The following SOX6 variants were observed in gnomAD, a reference collection of about 807,000 sequenced individuals.
SOX6 encodes the protein SRY-box transcription factor 6.
SOX6 carries 11 observed loss-of-function variants against 97.8 expected under a neutral mutation model. That is an observed-to-expected ratio of 0.11 (90% CI 0.07 to 0.19). SOX6 has a LOEUF of 0.19. SOX6 is among the 10% of genes least tolerant of loss of function. SOX6 has a pLI of 1.00. For synonymous variants in SOX6, 360 were observed against 371.4 expected (o/e 0.97, Z 0.35); for missense variants, 810 against 1,039.5 (o/e 0.78, Z 3.04).
intron 4 of SOX6, among the ~76,000 whole-genome samples, chr11:16,527,162 A>G (rs1343880703): frequency 6.6e-6 from 1 of 151,342 alleles, no homozygotes; most frequent in Non-Finnish European, 1.5e-5. Flanking sequence ...TTCCTAGAGC[A>G]CTGAAGAGGG....
intron 6 of SOX6, among the ~76,000 whole-genome samples, chr11:16,114,580 G>A (rs1467762000): frequency 6.6e-6 from 1 of 152,138 alleles, no homozygotes; most frequent in Non-Finnish European, 1.5e-5. Flanking sequence ...ACAAGCAATA[G>A]TTGATCTTAC....
chr11:16,130,276 C>G (rs77946762), intron 6 of SOX6, among the ~76,000 whole-genome samples: 26 of 151,840 alleles, frequency 1.7e-4, no homozygotes, highest in African/African-American at 4.3e-4. Context: ...GGATAATGTA[C>G]AACATGAGGA....
intron 4 of SOX6, among the ~76,000 whole-genome samples, chr11:16,545,595 G>T (rs898872274): frequency 3.3e-5 from 5 of 152,110 alleles, no homozygotes; most frequent in Admixed American, 6.6e-5. Context: ...CTATAATACT[G>T]GGAGTCCTAG....
At chr11:16,681,982 C>A (rs1342267952) in intron 3 of SOX6, among the ~76,000 whole-genome samples, 2 of 152,168 alleles carry the variant, frequency 1.3e-5, no homozygotes, top group East Asian at 1.9e-4. Context: ...AGCCTAACAA[C>A]CAAAACAAGT....
intron 1 of SOX6, among the ~76,000 whole-genome samples, chr11:16,441,481 T>G (rs949381568): frequency 6.6e-6 from 1 of 152,144 alleles, no homozygotes; most frequent in East Asian, 1.9e-4. Context: ...CTCTCCAACA[T>G]TGAAGGCTAG....
At chr11:16,418,469 T>C (rs1271256280) in intron 1 of SOX6, among the ~76,000 whole-genome samples, 1 of 152,144 alleles carries the variant, frequency 6.6e-6, no homozygotes, top group African/African-American at 2.4e-5. Flanking sequence ...TACCATTGAA[T>C]GTTTCTACTG....
intron 14 of SOX6, among the ~76,000 whole-genome samples, chr11:15,986,727 C>T (rs1480453103): frequency 1.3e-5 from 2 of 152,194 alleles, no homozygotes; most frequent in African/African-American, 4.8e-5. Context: ...CCTGCCTACC[C>T]TCTCAACAGG....
intron 1 of SOX6, among the ~76,000 whole-genome samples, chr11:16,386,449 A>G (rs1243924395): frequency 6.6e-6 from 1 of 152,080 alleles, no homozygotes; most frequent in Non-Finnish European, 1.5e-5. Flanking sequence ...TACAAGATAC[A>G]GATTCCTGCA....
chr11:16,132,494 A>AAGAAAGAAAGAAAGAAAGAG (rs1849840635), intron 6 of SOX6, among the ~76,000 whole-genome samples: 1 of 142,730 alleles, frequency 7.0e-6, no homozygotes, highest in Non-Finnish European at 1.6e-5. Flanking sequence ...GAAAGAAAGA[A>AAGAAAGAAAGAAAGAAAGAG]AGAAAGAAAG....
chr11:16,434,202 A>C (rs1442354906), intron 1 of SOX6: 1 of 151,928 alleles, frequency 6.6e-6, no homozygotes, highest in African/African-American at 2.4e-5. Context: ...CAAAGTACAC[A>C]CTCTCAGTCA....
chr11:16,716,014 A>G (rs1461581958), intron 2 of SOX6, among the ~76,000 whole-genome samples: 6 of 152,112 alleles, frequency 3.9e-5, no homozygotes, highest in Non-Finnish European at 2.9e-5. Flanking sequence ...TGGGAGGATC[A>G]AGTACAGGCC....
rs573939376 is a variant in SOX6, at chr11:16,727,822, CT to C, written n.353+8516del. On this transcript the variant is annotated intron_variant and non_coding_transcript_variant, in intron 2 of 5. Transcript: ENST00000524520. ...AATTCTCTTTTTTAATTTTTTTCAA[CT>C]TCATATGCTCTGGATCAGTGTTTAT... is the stretch of plus-strand genomic sequence containing the variant. 1.3e-3 allele frequency among the ~76,000 whole-genome samples: 196 copies of C among 152,070 alleles called. 1 individual carries two copies. The highest frequency in any genetic ancestry group is 4.4e-3 in the African/African-American group (183 of 41,486).
intron 6 of SOX6, among the ~76,000 whole-genome samples, chr11:16,147,368 G>A (rs1177826083): frequency 6.6e-6 from 1 of 152,058 alleles, no homozygotes; most frequent in South Asian, 2.1e-4. Context: ...GGGGGAGGAG[G>A]GAAGGATAGC....
At chr11:16,628,336 C>T (rs142081287) in intron 3 of SOX6, among the ~76,000 whole-genome samples, 102 of 152,104 alleles carry the variant, frequency 6.7e-4, no homozygotes, top group Non-Finnish European at 1.3e-3. Flanking sequence ...TGAAAAATGA[C>T]ATTGGGGCCG....
chr11:16,543,283 C>T (rs1359112813), intron 4 of SOX6, among the ~76,000 whole-genome samples: 2 of 151,968 alleles, frequency 1.3e-5, no homozygotes, highest in African/African-American at 4.8e-5. Flanking sequence ...TATATACCAC[C>T]ATATATTTTT....
intron 4 of SOX6, among the ~76,000 whole-genome samples, chr11:16,603,716 C>T (rs1848298338): frequency 6.6e-6 from 1 of 152,198 alleles, no homozygotes; most frequent in Non-Finnish European, 1.5e-5. Context: ...CTCTGCATCT[C>T]CTTTCCCCAT....
At chr11:16,134,979 T>G (rs1564974325) in intron 6 of SOX6, among the ~76,000 whole-genome samples, 1 of 152,228 alleles carries the variant, frequency 6.6e-6, no homozygotes, top group East Asian at 1.9e-4. Context: ...ATGCAGCTAG[T>G]GACTTTAAGT....
intron 3 of SOX6, among the ~76,000 whole-genome samples, chr11:16,620,983 T>G (rs542448117): frequency 6.6e-6 from 1 of 152,224 alleles, no homozygotes; most frequent in African/African-American, 2.4e-5. Context: ...CTTTTATCAT[T>G]TGACAAATCT....
At chr11:16,330,232 C>A (rs1365844775) in intron 2 of SOX6, among the ~76,000 whole-genome samples, 1 of 152,130 alleles carries the variant, frequency 6.6e-6, no homozygotes, top group Non-Finnish European at 1.5e-5. Context: ...TAGTGAATTT[C>A]CCAGCAATTA....
Sources: allele counts gnomAD v4.1 joint callset (sites outside exome capture counted in the v4.1 genomes callset), GRCh38; gene constraint gnomAD v4.1.1; transcripts MANE v1.5; gene names NCBI Gene and HGNC (gene_info 2026-07-23, HGNC 2026-07-21).